The following CGN variants were observed in gnomAD, a reference collection of about 807,000 sequenced individuals.
CGN encodes the protein cingulin.
In CGN, 121 loss-of-function variants were observed where a neutral mutation model predicts 157.1. The ratio of observed to expected loss-of-function variants is 0.77; its 90% CI spans 0.66 to 0.90. The LOEUF (loss-of-function observed/expected upper bound fraction) is 0.90, where lower values mean the gene tolerates loss of function less well. Ranked by LOEUF, CGN falls within the 40% of genes least tolerant of loss-of-function variation. CGN has a pLI of 0.00. For missense variants in CGN, 1,424 were observed against 1,520.9 expected, an observed-to-expected ratio of 0.94 and a Z score of 1.06; for synonymous variants, 535 against 607.5, an observed-to-expected ratio of 0.88 and a Z score of 1.76.
At chr1:151,534,284 G>C in intron 15 of CGN, 148 bp downstream of exon 15, 1 of 786,318 alleles carries the variant, frequency 1.3e-6, no homozygotes. Context: ...CCAATGTTTA[G>C]AAATTTATAG....
intron 9 of CGN, 39 bp downstream of exon 9, chr1:151,525,829 T>C: frequency 1.5e-6 from 2 of 1,360,236 alleles, no homozygotes; most frequent in Non-Finnish European, 1.9e-6. Flanking sequence ...CCATGATTCA[T>C]ATGCCACTTC....
chr1:151,528,312 C>T (rs2102497449), intron 10 of CGN, among the ~76,000 whole-genome samples: 1 of 151,946 alleles, frequency 6.6e-6, no homozygotes, highest in South Asian at 2.1e-4. Flanking sequence ...TTTAAACAAC[C>T]AGCCTTACTA....
At position 151,525,590 on chromosome 1, in the gene CGN, A is replaced by G. The variant is rs369735788; in HGVS notation, c.1615-52A>G. The G allele has an allele frequency of 4.4e-4, 640 of 1,458,828 alleles. 5 individuals are homozygous for G. The East Asian group carries it at 0.011, about 26-fold the overall frequency. 90.4% of individuals were successfully genotyped at this position (1,458,828 alleles called of 1,614,324 possible). A position where few individuals can be genotyped will look rare whatever the true frequency, so the allele number is the denominator to read the frequency against. ...TTGTACACACTCACACTTTGATTTG[A>G]AGTGACCTCTTCCCTCTGAGCCTTC... is the stretch of plus-strand genomic sequence containing the variant. On this transcript the variant is annotated intron_variant, in intron 8 of 20. Transcript: ENST00000271636.
At position 151,536,784 on chromosome 1, in the gene CGN, A is replaced by AT; in HGVS notation, c.3363dup (p.Glu1122Ter). 1 of 1,614,116 alleles carries AT rather than the reference A, an allele frequency of 6.2e-7. No homozygotes were observed. The highest frequency in any genetic ancestry group is 8.5e-7 in the Non-Finnish European group (1 of 1,180,014). On this transcript the variant is annotated frameshift_variant, in exon 20 of 21. Coordinates refer to ENST00000271636, the MANE Select transcript of CGN (RefSeq NM_020770.3). LOFTEE classifies it high-confidence loss of function. The stretch of plus-strand genomic sequence containing the variant: ...TCAGGTGGATGAAGCAGAAGAGGAA[A>AT]TTGAGCGACTGGACGGCCTGAGGAA...
chr1:151,525,635 T>C lies in CGN; in HGVS notation c.1615-7T>C, dbSNP rs1236873698. 6.4e-7 allele frequency: 1 copy of C among 1,564,950 alleles called. No homozygotes were observed. Among genetic ancestry groups the C allele is most frequent in the Non-Finnish European group, 8.6e-7 (1 of 1,159,452 alleles). ...GCCTTCTGGTGTCCAACTCTCCCCT[T>C]CTCTAGGACCATGCAGTGCTGGAGG... is the stretch of plus-strand genomic sequence containing the variant. On this transcript the variant is annotated splice_polypyrimidine_tract_variant and splice_region_variant and intron_variant, in intron 8 of 20. Transcript: ENST00000271636.
At position 151,527,041 on chromosome 1, in the gene CGN, G is replaced by A; in HGVS notation, c.1830G>A (p.Leu610=). 6.2e-7 allele frequency: 1 copy of A among 1,614,200 alleles called. No homozygotes were observed. Among genetic ancestry groups the A allele is most frequent in the African/African-American group, 1.3e-5 (1 of 75,056 alleles). Residue 610 remains leucine, a synonymous_variant, in exon 10 of 21, where the codon TTG becomes TTA. Coordinates refer to ENST00000271636, the MANE Select transcript of CGN (RefSeq NM_020770.3). ...AGCTTGGAGAGAAGATAGAGGTCTT[G>A]CAGAGGGAATTAGAGCAGGCCCGAG... The part of the protein sequence containing the change: ...EEELGEKIEV[L]QRELEQARAS...
chr1:151,534,206 A>G, intron 15 of CGN, 70 bp downstream of exon 15: 3 of 1,407,892 alleles, frequency 2.1e-6, no homozygotes, highest in Non-Finnish European at 2.9e-6. Context: ...ACTAGCGGTC[A>G]AAACCGACAG....
chr1:151,535,068 G>A lies in CGN; in HGVS notation c.2931G>A (p.Glu977=). 2 of 1,614,148 alleles carry A rather than the reference G, an allele frequency of 1.2e-6. No individual in the cohort carries two copies. The highest frequency in any genetic ancestry group is 1.7e-6 in the Non-Finnish European group (2 of 1,180,004). ...AAAAAGTCTCACGGCTGGAAACAGA[G>A]TTAGATGAGGAGAAGAACACCGTGG... ...LEEKVSRLET[E]LDEEKNTVEL... The change falls in exon 16 of 21, where the codon GAG becomes GAA. Residue 977 remains glutamate, a synonymous_variant. Coordinates refer to ENST00000271636, the MANE Select transcript of CGN (RefSeq NM_020770.3).
At position 151,523,347 on chromosome 1, in the gene CGN, A is replaced by G. The variant is rs983489760; in HGVS notation, c.1141-87A>G. 4.7e-6 allele frequency: 6 copies of G among 1,280,874 alleles called. No homozygotes were observed. The African/African-American group carries it at 7.4e-5, about 16-fold the overall frequency. The allele number at this position is 1,280,874 out of a possible 1,614,324, so 79.3% of individuals were successfully genotyped here. A position where few individuals can be genotyped will look rare whatever the true frequency, so the allele number is the denominator to read the frequency against. On this transcript the variant is annotated intron_variant, in intron 5 of 20. Coordinates refer to ENST00000271636, the MANE Select transcript of CGN (RefSeq NM_020770.3). ...GTGTCTATCATACAGCAAGTGTCCA[A>G]TGAGTGTTAGACATTCCCATTATTC...
rs1011986383 is a variant in CGN at position 151,523,334 on chromosome 1, C to T, written c.1141-100C>T. On this transcript the variant is annotated intron_variant, in intron 5 of 20. Transcript: ENST00000271636. ...GGTCCTAAGTATAGTGTCTATCATA[C>T]AGCAAGTGTCCAATGAGTGTTAGAC... is the stretch of plus-strand genomic sequence containing the variant. The T allele has an allele frequency of 5.9e-5, 67 of 1,137,374 alleles. 1 individual carries two copies. The highest frequency in any genetic ancestry group is 5.8e-4 in the Admixed American group (24 of 41,698). The allele number at this position is 1,137,374 out of a possible 1,614,324, so 70.5% of individuals were successfully genotyped here.
intron 10 of CGN, among the ~76,000 whole-genome samples, chr1:151,527,532 T>C (rs1449702024): frequency 6.6e-6 from 1 of 152,170 alleles, no homozygotes. Context: ...TTAATTTACA[T>C]TGAGAAATAT....
intron 19 of CGN, 71 bp downstream of exon 19, chr1:151,536,416 G>A (rs1664970455): frequency 1.1e-6 from 1 of 887,772 alleles, no homozygotes; most frequent in African/African-American, 1.7e-5. Flanking sequence ...TGAAAGCCAA[G>A]GGAGGCCCTT....
chr1:151,527,919 G>C, intron 10 of CGN: 3 of 290,552 alleles, frequency 1.0e-5, no homozygotes, highest in Non-Finnish European at 6.6e-6. Flanking sequence ...TGCAGTTGGA[G>C]ATCCCATGGC....
chr1:151,536,889 T>C lies in CGN; in HGVS notation c.3466T>C (p.Ser1156Pro). 6.2e-7 allele frequency: 1 copy of C among 1,613,960 alleles called. No individual in the cohort carries two copies. The highest frequency in any genetic ancestry group is 8.5e-7 in the Non-Finnish European group (1 of 1,179,960). ...QARIKSLEKD[S>P]WRKASRSAAE... ...CCGGATCAAGTCTCTGGAGAAGGACTCCTGGTATGGGCTACCCTTTTGCCC... is the reference window on the plus strand; with the variant it reads ...CCGGATCAAGTCTCTGGAGAAGGACCCCTGGTATGGGCTACCCTTTTGCCC... Residue 1156 changes from serine to proline, a missense_variant, in exon 20 of 21, where the codon TCC becomes CCC. Around this residue, in one of 3 missense-constraint regions of CGN, gnomAD observed 199 missense variants for 272.2 expected, o/e 0.73. Coordinates refer to ENST00000271636, the MANE Select transcript of CGN (RefSeq NM_020770.3).
Position 151,523,504 on chromosome 1 carries a change from G to A in CGN, c.1211G>A (p.Ser404Asn), listed in dbSNP as rs1664590108. 1 of 1,613,340 alleles carries A rather than the reference G, an allele frequency of 6.2e-7. No individual in the cohort carries two copies. Among genetic ancestry groups the A allele is most frequent in the African/African-American group, 1.3e-5 (1 of 74,912 alleles). The part of the protein sequence containing the change: ...RQLEEKTEEC[S>N]RLQELLERRK... Reference sequence around the variant, plus strand: ...CTGGAGGAGAAAACAGAAGAGTGCAGCCGACTGCAGGAGCTGCTGGAGAGG... The same window carrying A: ...CTGGAGGAGAAAACAGAAGAGTGCAACCGACTGCAGGAGCTGCTGGAGAGG... Residue 404 changes from serine (S) to asparagine (N), a missense_variant, in exon 6 of 21, where the codon AGC becomes AAC. Physicochemically the swap from Ser to Asn is conservative, Grantham distance 46. This residue lies in a region of CGN where 1,187 missense variants were observed against 1,217.6 expected (regional missense o/e 0.97). Transcript: ENST00000271636.
intron 5 of CGN, among the ~76,000 whole-genome samples, chr1:151,522,105 C>A (rs1664555740): frequency 6.6e-6 from 1 of 151,974 alleles, no homozygotes; most frequent in South Asian, 2.1e-4. Flanking sequence ...TAGTGAGAAC[C>A]CGCCTCTACA....
intron 1 of CGN, chr1:151,515,764 C>CA (rs1171843315): frequency 6.6e-6 from 1 of 152,224 alleles, no homozygotes; most frequent in Non-Finnish European, 1.5e-5. Flanking sequence ...CGTGAGCCAC[C>CA]ACACCAGAAA....
intron 11 of CGN, 96 bp downstream of exon 11, chr1:151,529,655 T>C (rs1201415992): frequency 6.3e-6 from 7 of 1,111,232 alleles, no homozygotes; most frequent in South Asian, 3.0e-5. Flanking sequence ...GTCATGGGTA[T>C]GTACTGACCA....
chr1:151,527,201 C>T, intron 10 of CGN, 94 bp downstream of exon 10: 1 of 1,430,554 alleles, frequency 7.0e-7, no homozygotes, highest in Non-Finnish European at 9.8e-7. Context: ...GGGCTATCTC[C>T]TGTGTGCTTG....
Sources: gnomAD v4.1 joint callset for allele counts (sites outside exome capture counted in the v4.1 genomes callset) on GRCh38, gnomAD v4.1.1 for gene constraint, gnomAD v4.1.1 regional missense constraint, MANE v1.5 for transcripts, NCBI Gene and HGNC (gene_info 2026-07-23, HGNC 2026-07-21) for gene names.